Variants in PDE7B observed in about 807,000 individuals in gnomAD.
PDE7B encodes the protein phosphodiesterase 7B, also known as 3',5'-cyclic-AMP phosphodiesterase 7B.
PDE7B carries 29 observed loss-of-function variants against 56.2 expected under a neutral mutation model. The observed-to-expected ratio is 0.52, with a 90% confidence interval of 0.38 to 0.70. PDE7B has a LOEUF of 0.70. PDE7B is among the 30% of genes least tolerant of loss of function. The pLI is 0.00. For missense variants in PDE7B, 490 were observed against 565.0 expected (o/e 0.87, Z 1.35); for synonymous variants, 197 against 196.9 (o/e 1.00, Z 0.00).
At chr6:136,069,136 G>A (rs1777003590) in intron 2 of PDE7B, among the ~76,000 whole-genome samples, 1 of 152,156 alleles carries the variant, frequency 6.6e-6, no homozygotes, top group African/African-American at 2.4e-5. Flanking sequence ...CCAGAGGAGG[G>A]ATCAATTCAG....
intron 11 of PDE7B, among the ~76,000 whole-genome samples, chr6:136,183,916 CTG>C (rs746220489): frequency 1.3e-5 from 2 of 151,766 alleles, no homozygotes; most frequent in Admixed American, 1.3e-4. Flanking sequence ...ATTAGAAAAA[CTG>C]TTTCATTCTC....
chr6:135,878,840 G>A (rs909723855), intron 1 of PDE7B, among the ~76,000 whole-genome samples: 2 of 152,102 alleles, frequency 1.3e-5, no homozygotes, highest in Non-Finnish European at 2.9e-5. Context: ...ATTAGAGAAG[G>A]CAAAACATTT....
intron 1 of PDE7B, among the ~76,000 whole-genome samples, chr6:135,853,102 C>T (rs971619329): frequency 6.6e-6 from 1 of 152,104 alleles, no homozygotes; most frequent in Non-Finnish European, 1.5e-5. Flanking sequence ...TCCCTATTAC[C>T]CTTCTCAAAG....
At chr6:136,033,653 G>T (rs1473675990) in intron 2 of PDE7B, among the ~76,000 whole-genome samples, 2 of 152,144 alleles carry the variant, frequency 1.3e-5, no homozygotes, top group African/African-American at 2.4e-5. Context: ...ATGGAAATAT[G>T]TGCTGCCTTG....
At chr6:135,917,364 C>T (rs960082988) in intron 1 of PDE7B, among the ~76,000 whole-genome samples, 8 of 151,808 alleles carry the variant, frequency 5.3e-5, no homozygotes. Flanking sequence ...TCTTCTGCAG[C>T]GTCACGTCTG....
chr6:136,110,676 G>A (rs1331115069), intron 3 of PDE7B, among the ~76,000 whole-genome samples: 1 of 150,278 alleles, frequency 6.7e-6, no homozygotes, highest in Non-Finnish European at 1.5e-5. Flanking sequence ...TGGGACAGTG[G>A]AATATTTAAT....
At chr6:135,935,649 G>C (rs1025761246) in intron 1 of PDE7B, among the ~76,000 whole-genome samples, 7 of 152,144 alleles carry the variant, frequency 4.6e-5, no homozygotes, top group Non-Finnish European at 8.8e-5. Flanking sequence ...ACCTTGAAGA[G>C]GTGTCTTTCA....
intron 2 of PDE7B, among the ~76,000 whole-genome samples, chr6:135,956,826 G>T (rs1196201863): frequency 6.7e-6 from 1 of 148,986 alleles, no homozygotes; most frequent in Non-Finnish European, 1.5e-5. Context: ...AGAAAGGAAA[G>T]AAAGAGAAAG....
chr6:136,167,485 G>A lies in PDE7B; in HGVS notation c.712-6312G>A, dbSNP rs114285304. On this transcript the variant is annotated intron_variant, in intron 8 of 12. Transcript: ENST00000308191. ...CTGCACAAGCTCTCTCTCTTCACCT[G>A]CTACCATCCATGTAAGATGTGACTT... 5.5e-3 allele frequency among the ~76,000 whole-genome samples: 830 copies of A among 152,190 alleles called. 10 individuals are homozygous for A. Among genetic ancestry groups the A allele is most frequent in the African/African-American group, 0.019 (770 of 41,526 alleles).
At chr6:136,093,640 C>A (rs1442244363) in intron 2 of PDE7B, among the ~76,000 whole-genome samples, 1 of 152,132 alleles carries the variant, frequency 6.6e-6, no homozygotes, top group Non-Finnish European at 1.5e-5. Flanking sequence ...AACACATAGG[C>A]CCTAGGAGAG....
At chr6:135,898,428 A>T (rs1234819986) in intron 1 of PDE7B, among the ~76,000 whole-genome samples, 1 of 152,160 alleles carries the variant, frequency 6.6e-6, no homozygotes, top group Non-Finnish European at 1.5e-5. Flanking sequence ...AATATAAGAA[A>T]ATAGTGACCT....
intron 1 of PDE7B, among the ~76,000 whole-genome samples, chr6:135,860,490 T>C (rs1775124935): frequency 6.6e-6 from 1 of 152,050 alleles, no homozygotes; most frequent in South Asian, 2.1e-4. Context: ...TTCAGAAATT[T>C]TGCTCTGAGA....
intron 2 of PDE7B, among the ~76,000 whole-genome samples, chr6:136,099,282 T>C (rs1777522405): frequency 6.6e-6 from 1 of 152,202 alleles, no homozygotes; most frequent in South Asian, 2.1e-4. Context: ...ATCCTTTGGG[T>C]ATATACCCAG....
At chr6:135,877,262 AT>A (rs1248568811) in intron 1 of PDE7B, among the ~76,000 whole-genome samples, 1 of 143,320 alleles carries the variant, frequency 7.0e-6, no homozygotes, top group African/African-American at 2.6e-5. Flanking sequence ...TTTATTTTTT[AT>A]TTTTATTATT....
chr6:136,099,980 C>T (rs1408563696), intron 2 of PDE7B, among the ~76,000 whole-genome samples: 1 of 152,152 alleles, frequency 6.6e-6, no homozygotes, highest in East Asian at 1.9e-4. Context: ...CCAGTTTCAG[C>T]TTTCTACATA....
chr6:136,160,890 G>A (rs1316830415), intron 8 of PDE7B, among the ~76,000 whole-genome samples: 1 of 152,042 alleles, frequency 6.6e-6, no homozygotes, highest in Non-Finnish European at 1.5e-5. Context: ...GAGTATAGAA[G>A]ATGAACAAAA....
At chr6:136,078,099 T>A (rs1777151092) in intron 2 of PDE7B, among the ~76,000 whole-genome samples, 1 of 152,210 alleles carries the variant, frequency 6.6e-6, no homozygotes, top group African/African-American at 2.4e-5. Flanking sequence ...AAAGATCACA[T>A]GAGGCTGACA....
At chr6:135,937,480 G>A (rs1358010531) in intron 1 of PDE7B, among the ~76,000 whole-genome samples, 1 of 151,964 alleles carries the variant, frequency 6.6e-6, no homozygotes, top group Non-Finnish European at 1.5e-5. Context: ...TTAGAGTTTT[G>A]CATCAACAGT....
chr6:135,857,471 G>A (rs905458488), intron 1 of PDE7B, among the ~76,000 whole-genome samples: 1 of 152,162 alleles, frequency 6.6e-6, no homozygotes, highest in East Asian at 1.9e-4. Flanking sequence ...CTGGCGTGGG[G>A]GTGGGGTCCA....
Sources: gnomAD v4.1 joint callset for allele counts (sites outside exome capture counted in the v4.1 genomes callset) on GRCh38, gnomAD v4.1.1 for gene constraint, MANE v1.5 for transcripts, NCBI Gene and HGNC (gene_info 2026-07-23, HGNC 2026-07-21) for gene names.